RBFOX1: variants seen among roughly 807,000 people sequenced by gnomAD.
RBFOX1 encodes RNA binding protein fox-1 homolog 1.
Under a neutral mutation model 57.7 loss-of-function variants are expected in RBFOX1, and 8 were observed. The observed-to-expected ratio is 0.14, with a 90% CI of 0.08 to 0.25. The LOEUF (loss-of-function observed/expected upper bound fraction) is 0.25. Ranked by LOEUF, RBFOX1 falls within the 10% of genes least tolerant of loss-of-function variation. The probability of loss-of-function intolerance (pLI) is 1.00; values close to 1 mark genes in which losing one functional copy is unlikely to be tolerated. For missense variants in RBFOX1, 611 were observed against 548.5 expected, an observed-to-expected ratio of 1.11 and a Z score of -1.14; for synonymous variants, 326 against 222.4, an observed-to-expected ratio of 1.47 and a Z score of -4.15.
chr16:6,487,171 T>G (rs1175605598), intron 2 of RBFOX1, among the ~76,000 whole-genome samples: 3 of 134,974 alleles, frequency 2.2e-5, no homozygotes, highest in Admixed American at 1.5e-4. Flanking sequence ...TGTGTGTGTG[T>G]GTGTGTGTGT....
At chr16:7,521,627 G>C (rs1315254174) in intron 5 of RBFOX1, among the ~76,000 whole-genome samples, 1 of 152,178 alleles carries the variant, frequency 6.6e-6, no homozygotes, top group African/African-American at 2.4e-5. Context: ...GAGAGCCTTA[G>C]GAGAATATAG....
At chr16:6,331,155 T>C (rs949634056) in intron 2 of RBFOX1, among the ~76,000 whole-genome samples, 2 of 152,142 alleles carry the variant, frequency 1.3e-5, no homozygotes, top group Non-Finnish European at 2.9e-5. Context: ...AAGTGGGTTA[T>C]TGAAATAGTC....
intron 4 of RBFOX1, among the ~76,000 whole-genome samples, chr16:7,312,328 C>G (rs967992396): frequency 6.6e-6 from 1 of 152,128 alleles, no homozygotes; most frequent in Non-Finnish European, 1.5e-5. Context: ...AGCAGTGAGC[C>G]GAGATCGCGG....
chr16:5,775,907 T>TTTTC (rs1276429761), intron 3 of RBFOX1, among the ~76,000 whole-genome samples: 3 of 152,154 alleles, frequency 2.0e-5, no homozygotes, highest in Non-Finnish European at 2.9e-5. Context: ...TTTTTAAAGG[T>TTTTC]TCTGTCTCTG....
Position 6,510,017 on chromosome 16 carries a change from T to TG in RBFOX1, c.-63-144584dup, listed in dbSNP as rs149375742. The stretch of plus-strand genomic sequence containing the variant: ...GGCCACATGCGATTCAGGGCAGGGG[T>TG]GGTGTCTGTTCCTGTGATTGAAGCA... On this transcript the variant is annotated intron_variant, in intron 2 of 15. Coordinates refer to ENST00000550418, the MANE Select transcript of RBFOX1 (RefSeq NM_018723.4). 4.8e-3 allele frequency among the ~76,000 whole-genome samples: 725 copies of TG among 152,038 alleles called. 21 individuals are homozygous for TG. The East Asian group carries it at 0.093, about 20-fold the overall frequency.
At chr16:5,608,289 G>A (rs375064026) in intron 3 of RBFOX1, among the ~76,000 whole-genome samples, 3 of 152,140 alleles carry the variant, frequency 2.0e-5, no homozygotes, top group African/African-American at 7.2e-5. Flanking sequence ...GGTGTAGGAC[G>A]GGAACCAAGG....
chr16:6,172,081 A>G (rs766844396), intron 1 of RBFOX1, among the ~76,000 whole-genome samples: 1 of 152,046 alleles, frequency 6.6e-6, no homozygotes, highest in Non-Finnish European at 1.5e-5. Context: ...TCTGCCTCCC[A>G]AAGTGCTGGT....
chr16:7,233,621 G>C (rs7197955), intron 4 of RBFOX1, among the ~76,000 whole-genome samples: 101,608 of 152,128 alleles, frequency 0.67, 35,604 homozygotes, highest in East Asian at 0.96. Flanking sequence ...AGTTTGCATT[G>C]TGGACATCCG....
At chr16:7,039,780 C>T (rs376413072) in intron 3 of RBFOX1, among the ~76,000 whole-genome samples, 24 of 152,140 alleles carry the variant, frequency 1.6e-4, no homozygotes, top group African/African-American at 4.3e-4. Context: ...TCAAAGATTT[C>T]AGGCCTTTAT....
chr16:5,260,352 A>G (rs889228183), intron 1 of RBFOX1, among the ~76,000 whole-genome samples: 7 of 152,246 alleles, frequency 4.6e-5, no homozygotes, highest in Non-Finnish European at 8.8e-5. Context: ...AGTGAGCAGC[A>G]TTCCTTGCTA....
Position 6,261,873 on chromosome 16 carries a change from A to G in RBFOX1, c.-126-55122A>G, listed in dbSNP as rs2097703593. ...ACAAAACAAAACAAAAACAAAAACA[A>G]AAAAAACCTAGCTGGGCATGGTGGC... is the stretch of plus-strand genomic sequence containing the variant. On this transcript the variant is annotated intron_variant, in intron 1 of 15. Transcript: ENST00000550418. 2.0e-5 allele frequency among the ~76,000 whole-genome samples: 3 copies of G among 151,526 alleles called. No homozygotes were observed. The South Asian group carries it at 6.3e-4, about 32-fold the overall frequency.
At chr16:6,199,745 G>C (rs1598309092) in intron 1 of RBFOX1, among the ~76,000 whole-genome samples, 2 of 152,176 alleles carry the variant, frequency 1.3e-5, no homozygotes, top group East Asian at 3.8e-4. Flanking sequence ...CAGTAAAGAA[G>C]TAGAACTTTA....
chr16:7,610,264 C>A (rs534608372), intron 10 of RBFOX1, among the ~76,000 whole-genome samples: 7 of 150,168 alleles, frequency 4.7e-5, no homozygotes, highest in Admixed American at 1.3e-4. Context: ...GGATTACAGG[C>A]GTCCACCACC....
At chr16:6,444,157 C>T (rs2094440772) in intron 2 of RBFOX1, among the ~76,000 whole-genome samples, 1 of 152,050 alleles carries the variant, frequency 6.6e-6, no homozygotes, top group Non-Finnish European at 1.5e-5. Flanking sequence ...CGGTTGAAGT[C>T]AGGTGTGTTT....
At chr16:5,999,915 G>T (rs1197369388) in intron 4 of RBFOX1, among the ~76,000 whole-genome samples, 12 of 95,424 alleles carry the variant, frequency 1.3e-4, no homozygotes, top group South Asian at 6.8e-4. Context: ...AAAGAGTGAA[G>T]AAGGGAAATC....
intron 2 of RBFOX1, among the ~76,000 whole-genome samples, chr16:6,373,012 G>C (rs1200805065): frequency 2.6e-5 from 4 of 152,054 alleles, no homozygotes; most frequent in African/African-American, 9.7e-5. Context: ...TTGGGTAGGA[G>C]GATGGTTGGG....
chr16:7,362,222 TTGTG>T lies in RBFOX1; in HGVS notation c.28-155921_28-155918del, dbSNP rs200666002. Among the ~76,000 whole-genome samples the T allele has an allele frequency of 4.5e-3, 675 of 151,640 alleles. 13 individuals are homozygous for T. The highest frequency in any genetic ancestry group is 0.036 in the Admixed American group (548 of 15,206). On this transcript the variant is annotated intron_variant, in intron 4 of 15. Transcript: ENST00000550418. ...ATGATTGTGTTTGTTTTTTATGTGTTTGTGTGTTTTGTGTGTGTTAGTATATTTT... is the reference window on the plus strand; with the variant it reads ...ATGATTGTGTTTGTTTTTTATGTGTTTGTTTTGTGTGTGTTAGTATATTTT...
chr16:5,931,178 C>A (rs192984124), intron 4 of RBFOX1, among the ~76,000 whole-genome samples: 1 of 152,044 alleles, frequency 6.6e-6, no homozygotes, highest in Non-Finnish European at 1.5e-5. Context: ...ACCTGGTTAC[C>A]CCTTGAGCTC....
intron 2 of RBFOX1, among the ~76,000 whole-genome samples, chr16:5,524,902 C>G (rs890909982): frequency 3.9e-5 from 6 of 152,218 alleles, no homozygotes; most frequent in African/African-American, 1.4e-4. Flanking sequence ...TCTCTAACTT[C>G]CCAGCCCCAC....
Sources: gnomAD v4.1 joint callset for allele counts (sites outside exome capture counted in the v4.1 genomes callset) on GRCh38, gnomAD v4.1.1 for gene constraint, MANE v1.5 for transcripts, NCBI Gene and HGNC (gene_info 2026-07-23, HGNC 2026-07-21) for gene names.